ALOX5: variants seen among roughly 807,000 people sequenced by gnomAD.
ALOX5 encodes the protein arachidonate 5-lipoxygenase, also known as polyunsaturated fatty acid 5-lipoxygenase.
ALOX5 carries 64 observed loss-of-function variants against 87.9 expected under a neutral mutation model. The ratio of observed to expected loss-of-function variants is 0.73; its 90% CI spans 0.60 to 0.90. The LOEUF (loss-of-function observed/expected upper bound fraction) is 0.90. Among genes scored for constraint, ALOX5 ranks in the 40% least tolerant of loss-of-function variants. The probability of loss-of-function intolerance (pLI) is 0.00; values close to 1 mark genes in which losing one functional copy is unlikely to be tolerated. For missense variants in ALOX5, 822 were observed against 907.5 expected, an observed-to-expected ratio of 0.91 and a Z score of 1.21; for synonymous variants, 388 against 355.1, an observed-to-expected ratio of 1.09 and a Z score of -1.04.
chr10:45,441,976 C>T (rs2132856925), intron 9 of ALOX5, among the ~76,000 whole-genome samples: 1 of 152,256 alleles, frequency 6.6e-6, no homozygotes, highest in East Asian at 1.9e-4. Flanking sequence ...GCCCTTGCCC[C>T]AACCTTCCTC....
At chr10:45,437,499 T>C (rs1356615639) in intron 7 of ALOX5, among the ~76,000 whole-genome samples, 5 of 152,254 alleles carry the variant, frequency 3.3e-5, no homozygotes, top group African/African-American at 9.6e-5. Context: ...CTTTTCGCTT[T>C]GTGCTAATAA....
At chr10:45,414,192 A>G (rs866190757) in intron 4 of ALOX5, among the ~76,000 whole-genome samples, 1 of 152,232 alleles carries the variant, frequency 6.6e-6, no homozygotes, top group South Asian at 2.1e-4. Flanking sequence ...AAACCATACT[A>G]CGAGGCTACA....
intron 12 of ALOX5, 74 bp downstream of exon 12, chr10:45,443,902 A>G (rs1842338990): frequency 1.3e-6 from 2 of 1,503,172 alleles, no homozygotes; most frequent in African/African-American, 2.8e-5. Flanking sequence ...CCGGTTCTGC[A>G]CGCGTACTGC....
chr10:45,389,099 G>A (rs1352928251), intron 2 of ALOX5, among the ~76,000 whole-genome samples: 1 of 152,208 alleles, frequency 6.6e-6, no homozygotes, highest in Non-Finnish European at 1.5e-5. Flanking sequence ...ATCAGTGACT[G>A]AAGATCAAAT....
chr10:45,441,329 C>T lies in ALOX5; in HGVS notation c.1186-15C>T. ...ACTGGGCCCCCTCTGAGGCCTCCTCCTCTCCCCTCCCCAGCTGCTGGTGGC... is the reference window on the plus strand; with the variant it reads ...ACTGGGCCCCCTCTGAGGCCTCCTCTTCTCCCCTCCCCAGCTGCTGGTGGC... On this transcript the variant is annotated splice_polypyrimidine_tract_variant and intron_variant, in intron 8 of 13. Coordinates refer to ENST00000374391, the MANE Select transcript of ALOX5 (RefSeq NM_000698.5). 3 of 1,612,468 alleles carry T rather than the reference C, an allele frequency of 1.9e-6. No homozygotes were observed. The highest frequency in any genetic ancestry group is 2.5e-6 in the Non-Finnish European group (3 of 1,179,016).
At chr10:45,441,092 CAG>C (rs1250536961) in intron 8 of ALOX5, among the ~76,000 whole-genome samples, 1 of 152,214 alleles carries the variant, frequency 6.6e-6, no homozygotes, top group African/African-American at 2.4e-5. Context: ...ACAGTGAACT[CAG>C]GGAGCAAAGA....
intron 3 of ALOX5, among the ~76,000 whole-genome samples, chr10:45,402,989 C>T (rs1840755308): frequency 6.6e-6 from 1 of 152,190 alleles, no homozygotes; most frequent in Non-Finnish European, 1.5e-5. Context: ...CAACAACTGA[C>T]AACACCTGAG....
At chr10:45,402,166 A>G (rs575341628) in intron 3 of ALOX5, among the ~76,000 whole-genome samples, 1 of 152,068 alleles carries the variant, frequency 6.6e-6, no homozygotes, top group South Asian at 2.1e-4. Context: ...ACTTGCCATA[A>G]CTGAGCAATA....
chr10:45,400,132 T>C (rs10128228), intron 3 of ALOX5, among the ~76,000 whole-genome samples: 3,407 of 152,272 alleles, frequency 0.022, 119 homozygotes, highest in African/African-American at 0.078. Context: ...ATTCTACTCC[T>C]AGGCCTCTAC....
chr10:45,432,798 G>A (rs1171876293), intron 7 of ALOX5, among the ~76,000 whole-genome samples: 1 of 152,228 alleles, frequency 6.6e-6, no homozygotes, highest in East Asian at 1.9e-4. Context: ...GTTATAAGGG[G>A]AAAGCTAAGC....
At chr10:45,422,761 A>G (rs1841547868) in intron 4 of ALOX5, among the ~76,000 whole-genome samples, 1 of 152,228 alleles carries the variant, frequency 6.6e-6, no homozygotes, top group South Asian at 2.1e-4. Context: ...GGCATAGTCT[A>G]TTGGGACAGC....
At chr10:45,418,399 T>A (rs1841374437) in intron 4 of ALOX5, among the ~76,000 whole-genome samples, 1 of 152,140 alleles carries the variant, frequency 6.6e-6, no homozygotes, top group Non-Finnish European at 1.5e-5. Flanking sequence ...GAGATTAAAA[T>A]GGGATCGCAC....
At chr10:45,393,949 TAAAG>T (rs1564419244) in intron 2 of ALOX5, among the ~76,000 whole-genome samples, 1 of 151,978 alleles carries the variant, frequency 6.6e-6, no homozygotes, top group Admixed American at 6.6e-5. Flanking sequence ...CTCAACGAAA[TAAAG>T]GAAGACACAA....
intron 7 of ALOX5, among the ~76,000 whole-genome samples, chr10:45,433,713 G>T (rs896798212): frequency 8.5e-4 from 129 of 152,196 alleles, no homozygotes; most frequent in Non-Finnish European, 2.9e-4. Flanking sequence ...AAAATTTGTT[G>T]TTTTGAAATT....
intron 7 of ALOX5, among the ~76,000 whole-genome samples, chr10:45,436,761 A>G (rs2132842452): frequency 6.6e-6 from 1 of 152,052 alleles, no homozygotes; most frequent in South Asian, 2.1e-4. Flanking sequence ...TATGAATTTT[A>G]GGATTTTTTT....
Position 45,374,240 on chromosome 10 carries a change from G to T in ALOX5, c.-40G>T. 1 of 1,446,614 alleles carries T rather than the reference G, an allele frequency of 6.9e-7. No homozygotes were observed. The highest frequency in any genetic ancestry group is 1.5e-5 in the African/African-American group (1 of 67,472). 89.6% of individuals were successfully genotyped at this position (1,446,614 alleles called of 1,614,324 possible). Reference sequence around the variant, plus strand: ...TAGATGCGGACACCTGGACCGCCGCGCCGAGGCTCCCGGCGCTCGCTGCTC... The same window carrying T: ...TAGATGCGGACACCTGGACCGCCGCTCCGAGGCTCCCGGCGCTCGCTGCTC... On this transcript the variant is annotated 5_prime_UTR_variant, in exon 1 of 14. Transcript: ENST00000374391.
At chr10:45,429,564 A>G (rs566099655) in intron 7 of ALOX5, among the ~76,000 whole-genome samples, 2 of 152,360 alleles carry the variant, frequency 1.3e-5, no homozygotes, top group South Asian at 4.1e-4. Flanking sequence ...AAACTGCTGC[A>G]TATTTCAAAA....
intron 4 of ALOX5, among the ~76,000 whole-genome samples, chr10:45,422,293 C>G (rs73283191): frequency 0.058 from 8,759 of 152,234 alleles, 363 homozygotes; most frequent in African/African-American, 0.11. Context: ...TCCATCCTCT[C>G]ATTCTGCTGG....
At chr10:45,374,517 AGGGCCCGTC>A in intron 1 of ALOX5, 88 bp downstream of exon 1, 1 of 1,281,468 alleles carries the variant, frequency 7.8e-7, no homozygotes, top group Non-Finnish European at 1.0e-6. Context: ...GGGGGCGCCG[AGGGCCCGTC>A]GGGGCGGCCC....
Sources: gnomAD v4.1 joint callset for allele counts (sites outside exome capture counted in the v4.1 genomes callset) on GRCh38, gnomAD v4.1.1 for gene constraint, MANE v1.5 for transcripts, NCBI Gene and HGNC (gene_info 2026-07-23, HGNC 2026-07-21) for gene names.